Variants in MAML2 observed in about 807,000 individuals in gnomAD.
The protein encoded by MAML2 is mastermind-like protein 2.
In MAML2, 22 loss-of-function variants were observed where a neutral mutation model predicts 96.1. The ratio of observed to expected loss-of-function variants is 0.23; its 90% CI spans 0.16 to 0.33. The LOEUF (loss-of-function observed/expected upper bound fraction) is 0.33, where lower values mean the gene tolerates loss of function less well. Ranked by LOEUF, MAML2 falls within the 10% of genes least tolerant of loss-of-function variation. MAML2 has a pLI of 1.00. For missense variants in MAML2, 1,367 were observed against 1,392.4 expected, an observed-to-expected ratio of 0.98 and a Z score of 0.29; for synonymous variants, 561 against 521.3, an observed-to-expected ratio of 1.08 and a Z score of -1.04.
chr11:96,153,991 C>T (rs549538112), intron 1 of MAML2, among the ~76,000 whole-genome samples: 5 of 152,166 alleles, frequency 3.3e-5, no homozygotes, highest in South Asian at 2.1e-4. Context: ...TGGATTGTCA[C>T]AAGGAATAAA....
chr11:96,192,611 G>A (rs1861670147), intron 1 of MAML2, among the ~76,000 whole-genome samples: 1 of 152,188 alleles, frequency 6.6e-6, no homozygotes, highest in African/African-American at 2.4e-5. Context: ...CAGTCAAACT[G>A]TTTGAAGATA....
At chr11:96,274,423 A>G (rs896264605) in intron 1 of MAML2, among the ~76,000 whole-genome samples, 3 of 151,968 alleles carry the variant, frequency 2.0e-5, no homozygotes, top group East Asian at 3.9e-4. Context: ...CTTTATAGAC[A>G]TCTTTACACG....
intron 1 of MAML2, among the ~76,000 whole-genome samples, chr11:96,245,519 C>A (rs919865818): frequency 1.3e-5 from 2 of 152,000 alleles, no homozygotes; most frequent in African/African-American, 4.8e-5. Context: ...CCTGAGTATA[C>A]AGGGCAAAAG....
At chr11:96,072,413 C>T (rs146933275) in intron 2 of MAML2, among the ~76,000 whole-genome samples, 4 of 152,288 alleles carry the variant, frequency 2.6e-5, no homozygotes, top group African/African-American at 9.6e-5. Flanking sequence ...CAGTTCTAAT[C>T]AGGTTTCTGA....
chr11:96,039,958 T>A (rs1195387916), intron 2 of MAML2, among the ~76,000 whole-genome samples: 3 of 108,186 alleles, frequency 2.8e-5, no homozygotes, highest in Non-Finnish European at 5.3e-5. Context: ...AGCAGGACTC[T>A]GTCTCAAAAA....
At chr11:96,181,350 T>G (rs1423880891) in intron 1 of MAML2, among the ~76,000 whole-genome samples, 1 of 152,228 alleles carries the variant, frequency 6.6e-6, no homozygotes, top group Non-Finnish European at 1.5e-5. Flanking sequence ...GTCTTATCTC[T>G]GCAATGCTTC....
chr11:96,207,320 A>G (rs991923071), intron 1 of MAML2, among the ~76,000 whole-genome samples: 4 of 152,222 alleles, frequency 2.6e-5, no homozygotes, highest in African/African-American at 9.6e-5. Flanking sequence ...CTAAACACTC[A>G]GTAAAAGTCA....
chr11:96,094,509 G>A (rs1356918591), intron 1 of MAML2, among the ~76,000 whole-genome samples: 2 of 152,212 alleles, frequency 1.3e-5, no homozygotes, highest in African/African-American at 4.8e-5. Flanking sequence ...CATGCTGAAA[G>A]GGGAGCTTGT....
intron 1 of MAML2, among the ~76,000 whole-genome samples, chr11:96,105,817 T>C (rs1220821954): frequency 6.6e-6 from 1 of 151,952 alleles, no homozygotes; most frequent in African/African-American, 2.4e-5. Flanking sequence ...TAAGGGGAAA[T>C]TGCCTAACTA....
chr11:96,146,246 T>G (rs1195806454), intron 1 of MAML2, among the ~76,000 whole-genome samples: 1 of 152,194 alleles, frequency 6.6e-6, no homozygotes, highest in African/African-American at 2.4e-5. Flanking sequence ...GGAAACCAGA[T>G]AGGTTTCTTA....
At chr11:96,220,400 T>G (rs966116982) in intron 1 of MAML2, among the ~76,000 whole-genome samples, 1 of 152,156 alleles carries the variant, frequency 6.6e-6, no homozygotes, top group African/African-American at 2.4e-5. Context: ...GCACCGGACA[T>G]GGTGAGCCCT....
intron 1 of MAML2, among the ~76,000 whole-genome samples, chr11:96,293,602 T>A (rs933976768): frequency 6.6e-6 from 1 of 152,088 alleles, no homozygotes; most frequent in African/African-American, 2.4e-5. Flanking sequence ...CAGCAAAATA[T>A]CAATCTTGAA....
chr11:96,312,724 C>G (rs898578600), intron 1 of MAML2, among the ~76,000 whole-genome samples: 11 of 152,162 alleles, frequency 7.2e-5, no homozygotes, highest in African/African-American at 2.7e-4. Flanking sequence ...GTGTACAAGT[C>G]TGTGGCATTA....
chr11:96,053,528 A>C (rs1435904400), intron 2 of MAML2, among the ~76,000 whole-genome samples: 2 of 152,208 alleles, frequency 1.3e-5, no homozygotes, highest in African/African-American at 2.4e-5. Context: ...GGAGAGACTT[A>C]TTATAAACAA....
rs999672533 is a variant in MAML2, at chr11:96,060,648, A to G, written c.2139+31244T>C. On this transcript the variant is annotated intron_variant, in intron 2 of 4. Transcript: ENST00000524717. Reference sequence around the variant, plus strand: ...CGGTAGCACACTTCTGTGAGTACAAATGTGCTGCAATTCGTTAAAGCTGAG... The same window carrying G: ...CGGTAGCACACTTCTGTGAGTACAAGTGTGCTGCAATTCGTTAAAGCTGAG... Among the ~76,000 whole-genome samples, 10 of 152,212 alleles carry G rather than the reference A, an allele frequency of 6.6e-5. No homozygotes were observed. The East Asian group carries it at 1.7e-3, about 26-fold the overall frequency.
intron 2 of MAML2, among the ~76,000 whole-genome samples, chr11:96,049,414 G>T (rs1408917385): frequency 6.6e-6 from 1 of 152,164 alleles, no homozygotes; most frequent in Non-Finnish European, 1.5e-5. Context: ...GACAAAGAAG[G>T]TAAAAGTAAT....
chr11:96,326,956 G>A (rs889354259), intron 1 of MAML2, among the ~76,000 whole-genome samples: 21 of 152,132 alleles, frequency 1.4e-4, no homozygotes, highest in African/African-American at 3.9e-4. Flanking sequence ...ACATTGAACG[G>A]AATATAGGAA....
chr11:96,118,771 T>A (rs1287363473), intron 1 of MAML2, among the ~76,000 whole-genome samples: 13 of 152,204 alleles, frequency 8.5e-5, no homozygotes. Flanking sequence ...AAAAATCTCC[T>A]GCCTCTTGCT....
chr11:96,221,961 C>T (rs1306460024), intron 1 of MAML2, among the ~76,000 whole-genome samples: 1 of 152,140 alleles, frequency 6.6e-6, no homozygotes, highest in African/African-American at 2.4e-5. Context: ...CCCTGTGTTT[C>T]ACCTCATTTC....
Sources: allele counts gnomAD v4.1 joint callset (sites outside exome capture counted in the v4.1 genomes callset), GRCh38; gene constraint gnomAD v4.1.1; transcripts MANE v1.5; gene names NCBI Gene and HGNC (gene_info 2026-07-23, HGNC 2026-07-21).